The following VAC14 variants were observed in gnomAD, a reference collection of about 807,000 sequenced individuals.
VAC14 encodes protein VAC14 homolog.
A neutral mutation model predicts 85.3 loss-of-function variants in VAC14; 47 were observed. The ratio of observed to expected loss-of-function variants is 0.55; its 90% confidence interval spans 0.44 to 0.70. The LOEUF (loss-of-function observed/expected upper bound fraction) is 0.70. Ranked by LOEUF, VAC14 falls within the 30% of genes least tolerant of loss-of-function variation. The pLI is 0.00. For synonymous variants in VAC14, 447 were observed against 430.5 expected (o/e 1.04, Z -0.47); for missense variants, 861 against 1,004.3 (o/e 0.86, Z 1.93).
chr16:70,745,834 A>T (rs887975652), intron 12 of VAC14, among the ~76,000 whole-genome samples: 2 of 82,308 alleles, frequency 2.4e-5, no homozygotes, highest in African/African-American at 6.1e-5. Flanking sequence ...CCGGGGCTTC[A>T]GCCCTGGACC....
intron 13 of VAC14, among the ~76,000 whole-genome samples, chr16:70,741,125 C>T (rs1377475807): frequency 6.6e-6 from 1 of 152,286 alleles, no homozygotes; most frequent in East Asian, 1.9e-4. Flanking sequence ...ACTGCTGCCT[C>T]CAAGTTCTCC....
At chr16:70,722,121 C>A (rs1480150424) in intron 14 of VAC14, among the ~76,000 whole-genome samples, 1 of 152,200 alleles carries the variant, frequency 6.6e-6, no homozygotes, top group East Asian at 1.9e-4. Context: ...TGACCCAAGG[C>A]CCCCACTCTC....
rs370723124 is a variant in VAC14 at position 70,794,063 on chromosome 16, G to C, written c.104+6734C>G. Among the ~76,000 whole-genome samples the C allele has an allele frequency of 4.9e-4, 75 of 152,188 alleles. 1 individual carries two copies. The highest frequency in any genetic ancestry group is 1.6e-3 in the African/African-American group (67 of 41,494). The stretch of plus-strand genomic sequence containing the variant: ...AGCAGGAGGCTTGTTTTGATCTCGG[G>C]TGACAGTAGTTGTGACTACTGAATA... On this transcript the variant is annotated intron_variant, in intron 1 of 18. Transcript: ENST00000261776.
chr16:70,793,659 G>A (rs573338298), intron 1 of VAC14, among the ~76,000 whole-genome samples: 2 of 152,304 alleles, frequency 1.3e-5, no homozygotes, highest in East Asian at 1.9e-4. Flanking sequence ...GGTGGCAGAG[G>A]TTTTAGCCAC....
intron 17 of VAC14, among the ~76,000 whole-genome samples, chr16:70,695,210 C>T (rs2053681553): frequency 6.6e-6 from 1 of 151,524 alleles, no homozygotes; most frequent in South Asian, 2.1e-4. Flanking sequence ...CTCCTGGGCT[C>T]AAGTGATCCT....
At chr16:70,777,956 A>T (rs927619259) in intron 9 of VAC14, among the ~76,000 whole-genome samples, 3 of 152,218 alleles carry the variant, frequency 2.0e-5, no homozygotes, top group African/African-American at 7.2e-5. Context: ...TCTCCTGGGC[A>T]CCTTGGTAAA....
intron 4 of VAC14, 45 bp downstream of exon 4, chr16:70,784,731 G>A (rs1375972332): frequency 3.2e-6 from 5 of 1,553,246 alleles, no homozygotes; most frequent in African/African-American, 2.7e-5. Flanking sequence ...AGACAGACGG[G>A]AGAAACAGAT....
intron 10 of VAC14, chr16:70,771,672 T>C (rs1346229638): frequency 6.1e-6 from 1 of 163,346 alleles, no homozygotes; most frequent in Admixed American, 6.2e-5. Flanking sequence ...CTTCAACCTC[T>C]GGCTCAAGTG....
At chr16:70,771,514 C>T (rs1319065090) in intron 10 of VAC14, 9 of 151,846 alleles carry the variant, frequency 5.9e-5, no homozygotes, top group Admixed American at 5.3e-4. Context: ...TTATAACTTG[C>T]GTTTACTGAC....
chr16:70,783,395 C>T (rs1445707436), intron 6 of VAC14, 50 bp downstream of exon 6: 4 of 1,582,370 alleles, frequency 2.5e-6, no homozygotes, highest in Admixed American at 1.7e-5. Flanking sequence ...CACATGGGCA[C>T]AGCTGGGGGT....
chr16:70,721,079 T>C (rs1374882151), intron 14 of VAC14, among the ~76,000 whole-genome samples: 1 of 152,190 alleles, frequency 6.6e-6, no homozygotes, highest in Non-Finnish European at 1.5e-5. Flanking sequence ...ACATGTCCTA[T>C]TGAGCAAGAG....
At chr16:70,711,683 C>T (rs956490429) in intron 14 of VAC14, among the ~76,000 whole-genome samples, 6 of 152,182 alleles carry the variant, frequency 3.9e-5, no homozygotes, top group Admixed American at 1.3e-4. Flanking sequence ...GCCCTGGGCA[C>T]GGGCCATTCC....
chr16:70,790,562 C>T (rs2034288777), intron 1 of VAC14, among the ~76,000 whole-genome samples: 1 of 152,186 alleles, frequency 6.6e-6, no homozygotes, highest in African/African-American at 2.4e-5. Context: ...ACTTAGGAAG[C>T]TTTGAAGAGT....
intron 18 of VAC14, chr16:70,689,338 G>A (rs900284135): frequency 9.1e-6 from 9 of 985,340 alleles, no homozygotes; most frequent in Non-Finnish European, 1.1e-5. Flanking sequence ...GGCCAGCCGG[G>A]GCCCAGCAGC....
intron 14 of VAC14, among the ~76,000 whole-genome samples, chr16:70,729,218 T>C (rs1395014029): frequency 6.6e-6 from 1 of 152,174 alleles, no homozygotes; most frequent in Admixed American, 6.5e-5. Context: ...ACAGCTGCCA[T>C]CCCGAAGAGC....
At chr16:70,700,533 G>T (rs1008765463) in intron 14 of VAC14, among the ~76,000 whole-genome samples, 6 of 152,210 alleles carry the variant, frequency 3.9e-5, no homozygotes, top group Admixed American at 3.9e-4. Flanking sequence ...TTCTCAGAGG[G>T]CAGCCTGAGG....
chr16:70,737,763 GTT>G (rs2054807372), intron 13 of VAC14, among the ~76,000 whole-genome samples: 1 of 152,230 alleles, frequency 6.6e-6, no homozygotes, highest in Non-Finnish European at 1.5e-5. Context: ...TTTGGATTGA[GTT>G]TTGTGGTTAT....
intron 13 of VAC14, among the ~76,000 whole-genome samples, chr16:70,742,057 T>G (rs1567556644): frequency 6.6e-6 from 1 of 152,128 alleles, no homozygotes; most frequent in Non-Finnish European, 1.5e-5. Context: ...GTCATCAGCT[T>G]CTCTGTGCCC....
At chr16:70,706,793 G>A (rs1207952125) in intron 14 of VAC14, among the ~76,000 whole-genome samples, 1 of 152,192 alleles carries the variant, frequency 6.6e-6, no homozygotes, top group Non-Finnish European at 1.5e-5. Flanking sequence ...CGCCTGGATA[G>A]CCCTTGTTTC....
Sources: allele counts gnomAD v4.1 joint callset (sites outside exome capture counted in the v4.1 genomes callset), GRCh38; gene constraint gnomAD v4.1.1; transcripts MANE v1.5; gene names NCBI Gene and HGNC (gene_info 2026-07-23, HGNC 2026-07-21).